Variants in ERBIN observed in about 807,000 individuals in gnomAD.
ERBIN encodes densin-180-like protein.
Under a neutral mutation model 158.4 loss-of-function variants are expected in ERBIN, and 60 were observed. The observed-to-expected ratio is 0.38, with a 90% confidence interval of 0.31 to 0.47. The LOEUF (loss-of-function observed/expected upper bound fraction) is 0.47. Among genes scored for constraint, ERBIN ranks in the 20% least tolerant of loss-of-function variants. The pLI is 0.99. For missense variants in ERBIN, 1,610 were observed against 1,648.0 expected, an observed-to-expected ratio of 0.98 and a Z score of 0.40; for synonymous variants, 594 against 557.2, an observed-to-expected ratio of 1.07 and a Z score of -0.93.
rs117644049 is a variant in ERBIN, at chr5:65,967,403, T to A, written c.-57-21232T>A. On this transcript the variant is annotated intron_variant, in intron 1 of 25. Coordinates refer to ENST00000284037, the MANE Select transcript of ERBIN (RefSeq NM_001253697.2). ...ATAATAGGTGTACTAGTTTTTTTTT[T>A]ATCTTTCATACCATATTTTTGCTGC... Among the ~76,000 whole-genome samples the A allele has an allele frequency of 5.8e-4, 88 of 152,274 alleles. No individual in the cohort carries two copies. The East Asian group carries it at 0.011, about 20-fold the overall frequency.
intron 1 of ERBIN, among the ~76,000 whole-genome samples, chr5:65,969,464 T>G (rs1441532869): frequency 6.6e-6 from 1 of 152,228 alleles, no homozygotes; most frequent in Non-Finnish European, 1.5e-5. Flanking sequence ...TGCCCTTTGT[T>G]TTTTAACATA....
At chr5:66,038,233 C>T (rs878971108) in intron 14 of ERBIN, 150 bp from the exon 15 acceptor site, 1 of 418,382 alleles carries the variant, frequency 2.4e-6, no homozygotes, top group South Asian at 6.8e-5. Flanking sequence ...CAAATCAATG[C>T]CTAAAGTGTT....
intron 1 of ERBIN, among the ~76,000 whole-genome samples, chr5:65,930,875 T>C (rs911737250): frequency 6.6e-6 from 1 of 152,246 alleles, no homozygotes; most frequent in Non-Finnish European, 1.5e-5. Flanking sequence ...TTTGAAATTA[T>C]CTTTCTTTGA....
In ERBIN at chr5:66,036,857, C is replaced by G. The variant is rs147363844; in HGVS notation, c.1207-1526C>G. Among the ~76,000 whole-genome samples, 216 of 152,290 alleles carry G rather than the reference C, an allele frequency of 1.4e-3. 1 individual carries two copies. Among genetic ancestry groups the G allele is most frequent in the African/African-American group, 4.9e-3 (203 of 41,560 alleles). The stretch of plus-strand genomic sequence containing the variant: ...TTAAAGATCTCTGAAGTTAGGTGTT[C>G]AGGGAACTGAGAGGCCAGATATACT... On this transcript the variant is annotated intron_variant, in intron 14 of 25. Transcript: ENST00000284037.
chr5:65,947,624 T>A (rs1745936981), intron 1 of ERBIN, among the ~76,000 whole-genome samples: 1 of 152,182 alleles, frequency 6.6e-6, no homozygotes, highest in Non-Finnish European at 1.5e-5. Flanking sequence ...CAAATTTAGC[T>A]AAGCTTCCTG....
intron 4 of ERBIN, among the ~76,000 whole-genome samples, chr5:66,007,550 A>T (rs1026053618): frequency 1.2e-4 from 19 of 152,206 alleles, no homozygotes; most frequent in African/African-American, 2.4e-4. Flanking sequence ...GTATAATAAA[A>T]AAAAAAAAAA....
chr5:65,953,385 C>T (rs1746740583), intron 1 of ERBIN, among the ~76,000 whole-genome samples: 1 of 152,156 alleles, frequency 6.6e-6, no homozygotes, highest in South Asian at 2.1e-4. Flanking sequence ...AAAATGTGCT[C>T]CAGTTAGACA....
intron 1 of ERBIN, among the ~76,000 whole-genome samples, chr5:65,956,373 T>A: frequency 1.4e-5 from 1 of 69,408 alleles, no homozygotes; most frequent in African/African-American, 8.7e-5. Flanking sequence ...TTTCAGGTGA[T>A]TTTTTTTTTT....
intron 1 of ERBIN, among the ~76,000 whole-genome samples, chr5:65,986,041 T>C (rs182668268): frequency 6.6e-6 from 1 of 152,320 alleles, no homozygotes; most frequent in Non-Finnish European, 1.5e-5. Context: ...GCTGGTCATC[T>C]ATAATGTTTT....
intron 21 of ERBIN, among the ~76,000 whole-genome samples, chr5:66,057,483 T>C (rs1759724250): frequency 6.6e-6 from 1 of 152,164 alleles, no homozygotes; most frequent in African/African-American, 2.4e-5. Flanking sequence ...GGTAAAATAA[T>C]TATTTTTCTT....
intron 14 of ERBIN, among the ~76,000 whole-genome samples, chr5:66,030,155 C>A (rs1448953068): frequency 6.6e-6 from 1 of 152,156 alleles, no homozygotes; most frequent in Non-Finnish European, 1.5e-5. Context: ...TCTCCTGCCT[C>A]AGCCTCCTGA....
intron 4 of ERBIN, among the ~76,000 whole-genome samples, chr5:66,004,373 T>A (rs758098126): frequency 1.5e-4 from 23 of 151,002 alleles, no homozygotes; most frequent in Non-Finnish European, 2.6e-4. Flanking sequence ...ATTCAGTCTG[T>A]GTGTGCGTGT....
chr5:65,929,726 C>T (rs555199002), intron 1 of ERBIN, among the ~76,000 whole-genome samples: 1 of 151,584 alleles, frequency 6.6e-6, no homozygotes, highest in South Asian at 2.1e-4. Context: ...CCACAACCTC[C>T]ACCTCCCGGG....
chr5:66,006,557 C>G lies in ERBIN; in HGVS notation c.308-5492C>G, dbSNP rs1390407285. ...AATTGACAAATGGGATCTAATTAAA[C>G]TAAAGAGCTTCTGCACAGCAAAAGA... On this transcript the variant is annotated intron_variant, in intron 4 of 25. Coordinates refer to ENST00000284037, the MANE Select transcript of ERBIN (RefSeq NM_001253697.2). 2.0e-5 allele frequency among the ~76,000 whole-genome samples: 3 copies of G among 152,060 alleles called. No individual in the cohort carries two copies. The East Asian group carries it at 5.8e-4, about 29-fold the overall frequency.
At chr5:66,035,061 TCCTTTTA>T (rs1394766749) in intron 14 of ERBIN, among the ~76,000 whole-genome samples, 1 of 152,162 alleles carries the variant, frequency 6.6e-6, no homozygotes, top group African/African-American at 2.4e-5. Context: ...CTGCTGGTTG[TCCTTTTA>T]CCTGACTGCT....
chr5:66,033,879 C>T (rs945147271), intron 14 of ERBIN, among the ~76,000 whole-genome samples: 6 of 151,980 alleles, frequency 3.9e-5, no homozygotes, highest in South Asian at 2.1e-4. Context: ...GAGGCCGAGG[C>T]GGGTGGATCA....
At chr5:65,975,931 A>G (rs182606131) in intron 1 of ERBIN, among the ~76,000 whole-genome samples, 1 of 152,280 alleles carries the variant, frequency 6.6e-6, no homozygotes, top group African/African-American at 2.4e-5. Flanking sequence ...AATATTCCCC[A>G]TCATAATTAG....
At chr5:65,949,054 G>A (rs542127855) in intron 1 of ERBIN, among the ~76,000 whole-genome samples, 17 of 152,134 alleles carry the variant, frequency 1.1e-4, no homozygotes, top group African/African-American at 3.9e-4. Context: ...TTGAGCCACC[G>A]TGCCTGGCCA....
chr5:66,046,713 A>G (rs1008679453), intron 18 of ERBIN, among the ~76,000 whole-genome samples, 175 bp downstream of exon 18: 1 of 152,194 alleles, frequency 6.6e-6, no homozygotes, highest in Non-Finnish European at 1.5e-5. Context: ...ACAAATTATT[A>G]TGCCCTTTGT....
Sources: gnomAD v4.1 joint callset for allele counts (sites outside exome capture counted in the v4.1 genomes callset) on GRCh38, gnomAD v4.1.1 for gene constraint, MANE v1.5 for transcripts, NCBI Gene and HGNC (gene_info 2026-07-23, HGNC 2026-07-21) for gene names.